Variants in SEL1L3 observed in about 807,000 individuals in gnomAD.
SEL1L3 encodes the protein SEL1L family member 3, also known as protein sel-1 homolog 3.
In SEL1L3, 76 loss-of-function variants were observed where a neutral mutation model predicts 142.8. The ratio of observed to expected loss-of-function variants is 0.53; its 90% CI spans 0.44 to 0.64. The LOEUF (loss-of-function observed/expected upper bound fraction) is 0.64. Among genes scored for constraint, SEL1L3 ranks in the 30% least tolerant of loss-of-function variants. The pLI is 0.00. For missense variants in SEL1L3, 1,262 were observed against 1,381.7 expected (o/e 0.91, Z 1.37); for synonymous variants, 504 against 519.6 (o/e 0.97, Z 0.41).
At position 25,788,445 on chromosome 4, in the gene SEL1L3, C is replaced by A; in HGVS notation, c.2077-81G>T. On this transcript the variant is annotated intron_variant, in intron 12 of 23. Coordinates refer to ENST00000399878, the MANE Select transcript of SEL1L3 (RefSeq NM_015187.5). This position sits in a 1 kb window ranked among gnomAD's most constrained non-coding sequence, Gnocchi z 5.3. ...AGATTTTGAAAGGTGGGAGAGCAAACCTACTTTACGATGTTTTAGATTGAG... is the reference window on the plus strand; with the variant it reads ...AGATTTTGAAAGGTGGGAGAGCAAAACTACTTTACGATGTTTTAGATTGAG... 7.0e-7 allele frequency: 1 copy of A among 1,433,286 alleles called. No homozygotes were observed. The highest frequency in any genetic ancestry group is 1.2e-5 in the South Asian group (1 of 81,844). 88.8% of individuals were successfully genotyped at this position (1,433,286 alleles called of 1,614,324 possible).
intron 2 of SEL1L3, among the ~76,000 whole-genome samples, chr4:25,842,495 C>T (rs1344664521): frequency 6.6e-6 from 1 of 152,172 alleles, no homozygotes; most frequent in East Asian, 1.9e-4. Flanking sequence ...GCTGAGCTTA[C>T]CTGTGGCTGC....
Position 25,748,186 on chromosome 4 carries a change from C to T in SEL1L3, c.*239G>A, listed in dbSNP as rs1717361740. The stretch of plus-strand genomic sequence containing the variant: ...GTCTGTGATGGCCCAGTAAACTTCC[C>T]CACATGCCCTATGATCAAGATGTTC... On this transcript the variant is annotated 3_prime_UTR_variant, in exon 24 of 24. Coordinates refer to ENST00000399878, the MANE Select transcript of SEL1L3 (RefSeq NM_015187.5). 2.0e-6 allele frequency: 1 copy of T among 498,102 alleles called. No individual in the cohort carries two copies. The highest frequency in any genetic ancestry group is 3.6e-6 in the Non-Finnish European group (1 of 277,908). The allele number at this position is 498,102 out of a possible 1,614,324, so 30.9% of individuals were successfully genotyped here. A position where few individuals can be genotyped will look rare whatever the true frequency, so the allele number is the denominator to read the frequency against.
Position 25,757,616 on chromosome 4 carries a change from T to C in SEL1L3, c.3187-10A>G. ...TTCCCAGAAAGTAGATCTGCAAACA[T>C]CAGAAGCACGCATTAGTGACTGACA... is the stretch of plus-strand genomic sequence containing the variant. On this transcript the variant is annotated splice_polypyrimidine_tract_variant and intron_variant, in intron 22 of 23. Transcript: ENST00000399878. The C allele has an allele frequency of 6.4e-7, 1 of 1,554,046 alleles. No homozygotes were observed. The highest frequency in any genetic ancestry group is 1.2e-5 in the South Asian group (1 of 84,174).
the SEL1L3 span, among the ~76,000 whole-genome samples, chr4:25,716,964 T>C: frequency 6.6e-6 from 1 of 151,772 alleles, no homozygotes; most frequent in Non-Finnish European, 1.5e-5. Flanking sequence ...CTGTCACTAT[T>C]AAAAATAGAA....
chr4:25,833,416 A>G (rs747306202), intron 4 of SEL1L3, 32 bp downstream of exon 4: 8 of 1,591,014 alleles, frequency 5.0e-6, no homozygotes, highest in Admixed American at 1.8e-5. Flanking sequence ...CAAAATTACA[A>G]TATCATTTTA....
intron 9 of SEL1L3, among the ~76,000 whole-genome samples, chr4:25,805,733 G>C (rs1019507571): frequency 6.6e-6 from 1 of 152,130 alleles, no homozygotes; most frequent in East Asian, 1.9e-4. Flanking sequence ...TTCAGCCAAC[G>C]AATGTTTACT....
chr4:25,838,457 A>G (rs1715970729), intron 2 of SEL1L3, among the ~76,000 whole-genome samples: 1 of 152,224 alleles, frequency 6.6e-6, no homozygotes. Context: ...TCATAGCTAG[A>G]AGAAGCTCTA....
the SEL1L3 span, among the ~76,000 whole-genome samples, chr4:25,730,536 T>C: frequency 2.0e-5 from 3 of 152,130 alleles, no homozygotes; most frequent in Non-Finnish European, 4.4e-5. Context: ...TAAGTAGATG[T>C]AAGGGTAGAG....
intron 9 of SEL1L3, 70 bp downstream of exon 9, chr4:25,818,068 G>T: frequency 1.3e-6 from 2 of 1,494,130 alleles, no homozygotes; most frequent in Non-Finnish European, 1.8e-6. Context: ...ACCAAAGAGG[G>T]TGAGTGAAAC....
At chr4:25,779,705 C>T (rs1321577682) in intron 15 of SEL1L3, among the ~76,000 whole-genome samples, 1 of 152,180 alleles carries the variant, frequency 6.6e-6, no homozygotes, top group African/African-American at 2.4e-5. Context: ...TATACTGCCT[C>T]TTATGTCATC....
chr4:25,795,931 A>G (rs894996808), intron 11 of SEL1L3, among the ~76,000 whole-genome samples: 4 of 152,022 alleles, frequency 2.6e-5, no homozygotes, highest in Non-Finnish European at 5.9e-5. Flanking sequence ...GGAGAAAAAA[A>G]AAAAAATCAC....
intron 13 of SEL1L3, among the ~76,000 whole-genome samples, chr4:25,786,179 A>T (rs532465598): frequency 6.6e-6 from 1 of 152,324 alleles, no homozygotes; most frequent in South Asian, 2.1e-4. Flanking sequence ...GGAATGAACC[A>T]CAGCTGCCAT....
At chr4:25,823,805 T>C (rs1714923847) in intron 6 of SEL1L3, among the ~76,000 whole-genome samples, 1 of 152,044 alleles carries the variant, frequency 6.6e-6, no homozygotes. Context: ...TGACGATGGA[T>C]GGGGACAGGG....
chr4:25,860,195 T>TTAGCACAATGTA (rs973772381), intron 1 of SEL1L3, among the ~76,000 whole-genome samples: 1 of 152,196 alleles, frequency 6.6e-6, no homozygotes, highest in African/African-American at 2.4e-5. Flanking sequence ...TATAAACGAT[T>TTAGCACAATGTA]TAGCACAATG....
In SEL1L3 at chr4:25,776,263, G is replaced by C; in HGVS notation, c.2669+14C>G. The C allele has an allele frequency of 6.3e-7, 1 of 1,590,780 alleles. No homozygotes were observed. Among genetic ancestry groups the C allele is most frequent in the African/African-American group, 1.3e-5 (1 of 74,348 alleles). ...AGGGAAAAAAGTTTGCTCTAACGTG[G>C]ATCCCAAGCTTACCATGAACCTTCC... On this transcript the variant is annotated intron_variant, in intron 17 of 23. Coordinates refer to ENST00000399878, the MANE Select transcript of SEL1L3 (RefSeq NM_015187.5).
At chr4:25,753,715 G>A (rs1717752337) in intron 23 of SEL1L3, among the ~76,000 whole-genome samples, 1 of 152,220 alleles carries the variant, frequency 6.6e-6, no homozygotes, top group African/African-American at 2.4e-5. Context: ...CAGGCACAGT[G>A]GCTTATGCCT....
intron 11 of SEL1L3, among the ~76,000 whole-genome samples, chr4:25,797,704 T>C (rs929305757): frequency 1.3e-5 from 2 of 152,168 alleles, no homozygotes; most frequent in African/African-American, 4.8e-5. Flanking sequence ...CATCACTGGG[T>C]AACCTCTGCA....
chr4:25,742,107 C>T, the SEL1L3 span, among the ~76,000 whole-genome samples: 60 of 152,136 alleles, frequency 3.9e-4, no homozygotes, highest in Non-Finnish European at 7.2e-4. Context: ...CCACCGTGCC[C>T]GGCCAAATCT....
At chr4:25,795,944 G>A (rs965459827) in intron 11 of SEL1L3, among the ~76,000 whole-genome samples, 1 of 152,066 alleles carries the variant, frequency 6.6e-6, no homozygotes, top group African/African-American at 2.4e-5. Context: ...AAAATCACTG[G>A]GCGGGTGTGT....
Sources: gnomAD v4.1 joint callset for allele counts (sites outside exome capture counted in the v4.1 genomes callset) on GRCh38, gnomAD v4.1.1 for gene constraint, Gnocchi (gnomAD v3.1) non-coding constraint, MANE v1.5 for transcripts, NCBI Gene and HGNC (gene_info 2026-07-23, HGNC 2026-07-21) for gene names.